The following SPPL3 variants were observed in gnomAD, a reference collection of about 807,000 sequenced individuals.
SPPL3 encodes the protein signal peptide peptidase-like 3.
SPPL3 carries 5 observed loss-of-function variants against 42.4 expected under a neutral mutation model. The observed-to-expected ratio is 0.12, with a 90% CI of 0.06 to 0.25. The LOEUF (loss-of-function observed/expected upper bound fraction) is 0.25. Ranked by LOEUF, SPPL3 falls within the 10% of genes least tolerant of loss-of-function variation. SPPL3 has a pLI of 1.00. For missense variants in SPPL3, 235 were observed against 489.0 expected (o/e 0.48, Z 4.90); for synonymous variants, 195 against 181.8 (o/e 1.07, Z -0.58).
At chr12:120,901,737 C>T (rs1873991239) in intron 1 of SPPL3, 1 of 314,508 alleles carries the variant, frequency 3.2e-6, no homozygotes, top group African/African-American at 2.3e-5. Flanking sequence ...CAAGGAGTTT[C>T]TTTGCCTGTA....
At chr12:120,813,735 A>G (rs1870769395) in intron 1 of SPPL3, among the ~76,000 whole-genome samples, 1 of 152,248 alleles carries the variant, frequency 6.6e-6, no homozygotes, top group East Asian at 1.9e-4. Flanking sequence ...GTTCCTAAGG[A>G]AGCCAACTGA....
intron 1 of SPPL3, among the ~76,000 whole-genome samples, chr12:120,821,819 TG>T (rs1871079724): frequency 6.6e-6 from 1 of 152,128 alleles, no homozygotes; most frequent in Non-Finnish European, 1.5e-5. Context: ...CCGTGAATAA[TG>T]GGTTGGGTTG....
chr12:120,852,011 C>T (rs546336135), intron 1 of SPPL3, among the ~76,000 whole-genome samples: 2 of 152,270 alleles, frequency 1.3e-5, no homozygotes, highest in South Asian at 4.1e-4. Flanking sequence ...TGATTTAATG[C>T]TGAATTGTGA....
At chr12:120,839,520 A>G (rs1592988833) in intron 1 of SPPL3, among the ~76,000 whole-genome samples, 2 of 152,230 alleles carry the variant, frequency 1.3e-5, no homozygotes, top group East Asian at 1.9e-4. Flanking sequence ...ATAAACAAAA[A>G]CAAAAACAAA....
chr12:120,870,080 TCA>T (rs142326783), intron 1 of SPPL3, among the ~76,000 whole-genome samples: 2,129 of 152,306 alleles, frequency 0.014, 39 homozygotes, highest in African/African-American at 0.045. Context: ...AAAGAAACGT[TCA>T]GTTTTAAATT....
intron 1 of SPPL3, among the ~76,000 whole-genome samples, chr12:120,899,162 T>A (rs562000952): frequency 9.8e-5 from 15 of 152,372 alleles, no homozygotes; most frequent in African/African-American, 2.6e-4. Context: ...AAGGAGAATC[T>A]TGTAGTTAAA....
intron 1 of SPPL3, among the ~76,000 whole-genome samples, chr12:120,845,880 A>ATCTG (rs1343224228): frequency 1.3e-5 from 2 of 151,766 alleles, no homozygotes; most frequent in African/African-American, 4.8e-5. Flanking sequence ...CTATCTATCT[A>ATCTG]TCTATCTATC....
chr12:120,813,381 G>C (rs1008964192), intron 1 of SPPL3, among the ~76,000 whole-genome samples: 1 of 148,300 alleles, frequency 6.7e-6, no homozygotes, highest in African/African-American at 2.5e-5. Flanking sequence ...GCAATGGCAC[G>C]ATCTCGGCTC....
chr12:120,799,824 G>T (rs1870228556), intron 2 of SPPL3, among the ~76,000 whole-genome samples: 1 of 152,112 alleles, frequency 6.6e-6, no homozygotes, highest in South Asian at 2.1e-4. Flanking sequence ...AGCTTAAAGG[G>T]CCTGGGCTTA....
Position 120,779,616 on chromosome 12 carries a change from A to G in SPPL3, c.502+3039T>C, listed in dbSNP as rs949039946. ...TAAAGAATTTTACTTTGTGGGGCAG[A>G]GCAGTTAGATAAAAATTTTTTGAGA... On this transcript the variant is annotated intron_variant, in intron 6 of 10. Transcript: ENST00000353487. Among the ~76,000 whole-genome samples, 15 of 152,246 alleles carry G rather than the reference A, an allele frequency of 9.9e-5. No homozygotes were observed. The East Asian group carries it at 2.9e-3, about 29-fold the overall frequency.
At chr12:120,860,243 G>A (rs1209397659) in intron 1 of SPPL3, among the ~76,000 whole-genome samples, 1 of 152,082 alleles carries the variant, frequency 6.6e-6, no homozygotes, top group African/African-American at 2.4e-5. Flanking sequence ...GGGTCTTTAA[G>A]GCAATAAAGA....
chr12:120,871,130 C>CAAAAAAAAAAAAAGAAAAAAAA (rs1872908148), intron 1 of SPPL3, among the ~76,000 whole-genome samples: 9 of 51,684 alleles, frequency 1.7e-4, no homozygotes, highest in Admixed American at 3.5e-4. Context: ...ACTCCGTCTC[C>CAAAAAAAAAAAAAGAAAAAAAA]AAAAAAAAAA....
chr12:120,894,538 CAA>C (rs1873741974), intron 1 of SPPL3, among the ~76,000 whole-genome samples: 1 of 152,132 alleles, frequency 6.6e-6, no homozygotes, highest in African/African-American at 2.4e-5. Context: ...AAGAAATGAA[CAA>C]AACTTTCTTT....
intron 1 of SPPL3, among the ~76,000 whole-genome samples, chr12:120,864,833 A>C (rs755467533): frequency 3.3e-5 from 5 of 152,176 alleles, no homozygotes; most frequent in Non-Finnish European, 5.9e-5. Context: ...AAAGATGTGC[A>C]ATCTAGTGTC....
At chr12:120,809,977 A>ATT (rs575551744) in intron 2 of SPPL3, among the ~76,000 whole-genome samples, 58 of 148,508 alleles carry the variant, frequency 3.9e-4, no homozygotes, top group Middle Eastern at 7.0e-3. Flanking sequence ...ACATAAAAAA[A>ATT]TTTTTTTTTT....
rs566049567 is a variant in SPPL3, at chr12:120,768,776, CTTTTCAGCA to C, written c.609+168_609+176del. The stretch of plus-strand genomic sequence containing the variant: ...CACACACACACTACCTACTGTACGA[CTTTTCAGCA>C]AACAAAAGGATCGGACTGCACACCC... On this transcript the variant is annotated intron_variant, in intron 7 of 10. Coordinates refer to ENST00000353487, the MANE Select transcript of SPPL3 (RefSeq NM_139015.5). The C allele has an allele frequency of 3.8e-5, 25 of 656,036 alleles. 1 individual carries two copies. The South Asian group carries it at 4.7e-4, about 12-fold the overall frequency. 40.6% of individuals were successfully genotyped at this position (656,036 alleles called of 1,614,324 possible). A position where few individuals can be genotyped will look rare whatever the true frequency, so the allele number is the denominator to read the frequency against.
intron 1 of SPPL3, among the ~76,000 whole-genome samples, chr12:120,877,790 AAAAG>A (rs1312555509): frequency 7.1e-6 from 1 of 141,152 alleles, no homozygotes; most frequent in African/African-American, 3.2e-5. Context: ...TTAAAAAAAA[AAAAG>A]AAAGAAAGAA....
intron 2 of SPPL3, among the ~76,000 whole-genome samples, chr12:120,810,439 G>GT (rs1020909937): frequency 1.1e-4 from 16 of 150,978 alleles, no homozygotes; most frequent in East Asian, 3.9e-4. Flanking sequence ...ATATTTAGTA[G>GT]TTTTTTTTTC....
chr12:120,806,250 T>C (rs2136997924), intron 2 of SPPL3, among the ~76,000 whole-genome samples: 1 of 150,682 alleles, frequency 6.6e-6, no homozygotes, highest in East Asian at 2.0e-4. Context: ...CTGGCTTGAG[T>C]GCAGTGGCGC....
Sources: allele counts gnomAD v4.1 joint callset (sites outside exome capture counted in the v4.1 genomes callset), GRCh38; gene constraint gnomAD v4.1.1; transcripts MANE v1.5; gene names NCBI Gene and HGNC (gene_info 2026-07-23, HGNC 2026-07-21).